MTUS2: variants seen among roughly 807,000 people sequenced by gnomAD.
MTUS2 encodes the protein microtubule associated scaffold protein 2.
In MTUS2, 40 loss-of-function variants were observed where a neutral mutation model predicts 114.1. The ratio of observed to expected loss-of-function variants is 0.35; its 90% CI spans 0.27 to 0.46. The LOEUF (loss-of-function observed/expected upper bound fraction) is 0.46, where lower values mean the gene tolerates loss of function less well. Ranked by LOEUF, MTUS2 falls within the 20% of genes least tolerant of loss-of-function variation. The pLI, the probability that MTUS2 is intolerant of heterozygous loss-of-function variation, is 1.00. For synonymous variants in MTUS2, 688 were observed against 672.0 expected, an observed-to-expected ratio of 1.02 and a Z score of -0.37; for missense variants, 1,679 against 1,705.4, an observed-to-expected ratio of 0.98 and a Z score of 0.27.
intron 3 of MTUS2, among the ~76,000 whole-genome samples, chr13:29,028,812 T>G (rs1886682718): frequency 6.6e-6 from 1 of 152,218 alleles, no homozygotes; most frequent in African/African-American, 2.4e-5. Flanking sequence ...AGAATGGTGC[T>G]TCTTATAAGT....
rs1336981202 is a variant in MTUS2 at position 29,389,527 on chromosome 13, A to ATGTATACACATATGTGTGTATG, written c.3117+30063_3117+30064insATATGTGTGTATGTGTATACAC. Among the ~76,000 whole-genome samples the ATGTATACACATATGTGTGTATG allele has an allele frequency of 1.4e-3, 44 of 31,274 alleles. 3 individuals are homozygous for ATGTATACACATATGTGTGTATG. The highest frequency in any genetic ancestry group is 4.9e-3 in the Non-Finnish European group (38 of 7,712). 20.5% of individuals were successfully genotyped at this position (31,274 alleles called of 152,430 possible). On this transcript the variant is annotated intron_variant, in intron 8 of 15. Transcript: ENST00000612955. ...TATACACGTGTGTGTATGTGTATAT[A>ATGTATACACATATGTGTGTATG]TGTATACACGTGTGTATATGTATAC...
intron 2 of MTUS2, among the ~76,000 whole-genome samples, chr13:28,925,964 TAC>T (rs1881306444): frequency 6.6e-6 from 1 of 152,234 alleles, no homozygotes; most frequent in Non-Finnish European, 1.5e-5. Flanking sequence ...GGGTCTTGAA[TAC>T]CCTGTCCTAG....
intron 4 of MTUS2, among the ~76,000 whole-genome samples, chr13:29,099,768 G>A (rs1165199521): frequency 6.6e-6 from 1 of 152,308 alleles, no homozygotes; most frequent in East Asian, 1.9e-4. Context: ...ACTACAGCAC[G>A]TGAGGAAGCT....
chr13:29,115,781 G>T (rs1178560116), intron 5 of MTUS2, among the ~76,000 whole-genome samples: 1 of 152,216 alleles, frequency 6.6e-6, no homozygotes, highest in Non-Finnish European at 1.5e-5. Flanking sequence ...CCGTAGGCAA[G>T]CTAATTAATT....
At chr13:29,160,213 G>T (rs1273107645) in intron 5 of MTUS2, among the ~76,000 whole-genome samples, 2 of 152,186 alleles carry the variant, frequency 1.3e-5, no homozygotes, top group East Asian at 3.8e-4. Context: ...GCTTTGACCT[G>T]CACAGGTCCA....
At chr13:29,188,910 C>G (rs927121121) in intron 5 of MTUS2, among the ~76,000 whole-genome samples, 1 of 152,178 alleles carries the variant, frequency 6.6e-6, no homozygotes, top group African/African-American at 2.4e-5. Flanking sequence ...ATGGTCATAT[C>G]TTTTTTCCTT....
chr13:28,839,254 ATGT>A (rs1336797414), intron 1 of MTUS2, among the ~76,000 whole-genome samples: 9 of 152,194 alleles, frequency 5.9e-5, no homozygotes, highest in East Asian at 1.9e-4. Flanking sequence ...ATTAATATTA[ATGT>A]TGTTAATACT....
Position 29,329,705 on chromosome 13 carries a change from C to T in MTUS2, c.2905+4994C>T, listed in dbSNP as rs144847158. On this transcript the variant is annotated intron_variant, in intron 7 of 15. Transcript: ENST00000612955. The stretch of plus-strand genomic sequence containing the variant: ...CTTGGCTCACTGCAACCTGTGCCTC[C>T]TGGGTTCAAGCAATTCTCCTGCCTC... Among the ~76,000 whole-genome samples, 651 of 150,514 alleles carry T rather than the reference C, an allele frequency of 4.3e-3. 3 individuals carry two copies. The highest frequency in any genetic ancestry group is 0.015 in the African/African-American group (595 of 41,016).
chr13:29,268,289 C>T (rs905221373), intron 5 of MTUS2, among the ~76,000 whole-genome samples: 2 of 152,182 alleles, frequency 1.3e-5, no homozygotes, highest in South Asian at 2.1e-4. Context: ...AGATGGACAG[C>T]GGATTTGAGG....
chr13:29,288,254 G>A (rs566321464), intron 6 of MTUS2, among the ~76,000 whole-genome samples: 1 of 152,310 alleles, frequency 6.6e-6, no homozygotes, highest in East Asian at 1.9e-4. Context: ...GGGGATGTGA[G>A]TTTGCTTGGG....
intron 5 of MTUS2, among the ~76,000 whole-genome samples, chr13:29,204,782 G>A (rs909655520): frequency 1.3e-5 from 2 of 152,192 alleles, no homozygotes; most frequent in African/African-American, 2.4e-5. Flanking sequence ...CCGGGACCAC[G>A]TGTACACAGC....
intron 2 of MTUS2, among the ~76,000 whole-genome samples, chr13:28,946,882 T>C (rs1882560623): frequency 6.6e-6 from 1 of 152,116 alleles, no homozygotes; most frequent in African/African-American, 2.4e-5. Context: ...TCTTCATTCA[T>C]TTGATGTGAA....
At chr13:28,896,464 T>C (rs1879274160) in intron 2 of MTUS2, among the ~76,000 whole-genome samples, 1 of 152,176 alleles carries the variant, frequency 6.6e-6, no homozygotes. Flanking sequence ...ATTGTGAAAA[T>C]GGCCCTACTG....
intron 8 of MTUS2, among the ~76,000 whole-genome samples, chr13:29,411,185 G>C (rs1285844502): frequency 6.6e-6 from 1 of 152,094 alleles, no homozygotes; most frequent in East Asian, 1.9e-4. Flanking sequence ...GGGGGTTTTT[G>C]TTTTCTTTTT....
At chr13:29,009,201 G>A (rs11618708) in intron 2 of MTUS2, among the ~76,000 whole-genome samples, 76,752 of 151,484 alleles carry the variant, frequency 0.51, 19,603 homozygotes, top group South Asian at 0.72. Context: ...AAAATTACTT[G>A]GAATTTAAAA....
At chr13:28,899,969 C>T (rs1350248875) in intron 2 of MTUS2, among the ~76,000 whole-genome samples, 1 of 151,938 alleles carries the variant, frequency 6.6e-6, no homozygotes, top group African/African-American at 2.4e-5. Flanking sequence ...CTCACTGCAA[C>T]CTCTGCCTCC....
At chr13:29,492,740 C>T in intron 12 of MTUS2, 21 bp downstream of exon 12, 2 of 1,580,240 alleles carry the variant, frequency 1.3e-6, no homozygotes, top group Non-Finnish European at 8.7e-7. Flanking sequence ...CTTTAATTTT[C>T]TTACCTGGTA....
At chr13:28,997,849 G>A (rs1593368592) in intron 2 of MTUS2, among the ~76,000 whole-genome samples, 1 of 152,114 alleles carries the variant, frequency 6.6e-6, no homozygotes, top group African/African-American at 2.4e-5. Context: ...TATCCAATTT[G>A]CCAGTCTGTG....
At chr13:29,165,680 ATCT>A (rs1376399059) in intron 5 of MTUS2, among the ~76,000 whole-genome samples, 2 of 152,218 alleles carry the variant, frequency 1.3e-5, no homozygotes, top group African/African-American at 4.8e-5. Flanking sequence ...TTGTAGAGAA[ATCT>A]TCTGTATTTA....
Sources: gnomAD v4.1 joint callset for allele counts (sites outside exome capture counted in the v4.1 genomes callset) on GRCh38, gnomAD v4.1.1 for gene constraint, MANE v1.5 for transcripts, NCBI Gene and HGNC (gene_info 2026-07-23, HGNC 2026-07-21) for gene names.